Variants in WDPCP observed in about 807,000 individuals in gnomAD.
WDPCP encodes WD repeat containing planar cell polarity effector.
A neutral mutation model predicts 93.1 loss-of-function variants in WDPCP; 71 were observed. The ratio of observed to expected loss-of-function variants is 0.76; its 90% CI spans 0.63 to 0.93. The LOEUF (loss-of-function observed/expected upper bound fraction) is 0.93. WDPCP is among the 40% of genes least tolerant of loss of function. The pLI is 0.00. For synonymous variants in WDPCP, 315 were observed against 315.0 expected (o/e 1.00, Z 0.00); for missense variants, 844 against 887.4 (o/e 0.95, Z 0.62).
At chr2:63,172,509 C>A (rs938396160) in intron 15 of WDPCP, among the ~76,000 whole-genome samples, 52 of 152,062 alleles carry the variant, frequency 3.4e-4, no homozygotes, top group African/African-American at 1.2e-3. Context: ...TGCCGCCCCC[C>A]ACCCCTCCAA....
intron 2 of WDPCP, among the ~76,000 whole-genome samples, chr2:63,674,555 G>A (rs1185026542): frequency 2.0e-5 from 3 of 152,100 alleles, no homozygotes; most frequent in African/African-American, 7.2e-5. Flanking sequence ...AGAGAGAAAT[G>A]GGGAGTTGCT....
intron 14 of WDPCP, among the ~76,000 whole-genome samples, chr2:63,201,111 TAG>T (rs892007932): frequency 6.6e-6 from 1 of 152,176 alleles, no homozygotes; most frequent in Non-Finnish European, 1.5e-5. Context: ...GTTCTCATAA[TAG>T]AGAGTGAGTT....
chr2:63,545,857 T>TAA (rs76994891), intron 1 of WDPCP, among the ~76,000 whole-genome samples: 5 of 132,128 alleles, frequency 3.8e-5, no homozygotes, highest in South Asian at 2.4e-4. Context: ...CGCTCAGATT[T>TAA]AAAAAAAAAA....
At chr2:63,614,171 C>A (rs1160155961) in intron 3 of WDPCP, among the ~76,000 whole-genome samples, 1 of 152,138 alleles carries the variant, frequency 6.6e-6, no homozygotes, top group Non-Finnish European at 1.5e-5. Context: ...TTTACTACCC[C>A]TCAAAATTGC....
rs549839879 is a variant in WDPCP, at chr2:63,782,464, C to G, written n.308+31158G>C. Among the ~76,000 whole-genome samples the G allele has an allele frequency of 1.1e-4, 17 of 152,106 alleles. No homozygotes were observed. In the South Asian group the frequency reaches 1.4e-3, roughly 13 times the overall value. On this transcript the variant is annotated intron_variant and non_coding_transcript_variant, in intron 2 of 4. Coordinates refer to the WDPCP transcript ENST00000467687. The stretch of plus-strand genomic sequence containing the variant: ...TCTAGAAGGAACTCAACAACAACAG[C>G]AAAACAACTCAACTAAAAACTGGGC...
In WDPCP at chr2:63,120,612, C is replaced by T. The variant is rs1007501276; in HGVS notation, c.*1394G>A. ...TGCGACCTCAGCTCACTGCAGCCTCCGCCCTCCGGGTTCACGCCATTCTCC... is the reference window on the plus strand; with the variant it reads ...TGCGACCTCAGCTCACTGCAGCCTCTGCCCTCCGGGTTCACGCCATTCTCC... On this transcript the variant is annotated 3_prime_UTR_variant, in exon 18 of 18. Coordinates refer to ENST00000272321, the MANE Select transcript of WDPCP (RefSeq NM_015910.7). Among the ~76,000 whole-genome samples, 9 of 150,618 alleles carry T rather than the reference C, an allele frequency of 6.0e-5. No individual in the cohort carries two copies. The highest frequency in any genetic ancestry group is 2.0e-4 in the Admixed American group (3 of 15,122).
chr2:63,475,431 AC>A (rs1457634054), intron 6 of WDPCP, among the ~76,000 whole-genome samples: 3 of 152,120 alleles, frequency 2.0e-5, no homozygotes, highest in African/African-American at 7.2e-5. Flanking sequence ...AAGATACTGT[AC>A]TTTAGATATT....
chr2:63,663,949 C>T (rs2106635006), intron 2 of WDPCP, among the ~76,000 whole-genome samples: 1 of 152,088 alleles, frequency 6.6e-6, no homozygotes, highest in South Asian at 2.1e-4. Flanking sequence ...ACAACCACCG[C>T]ACCTTTAACC....
chr2:63,255,774 C>T (rs538019613), intron 14 of WDPCP, among the ~76,000 whole-genome samples: 12 of 152,134 alleles, frequency 7.9e-5, no homozygotes, highest in South Asian at 4.2e-4. Flanking sequence ...CATTTCCAGA[C>T]GACATGATGT....
chr2:63,246,604 ATGTGCTGTTGCCAACACT>A (rs1680295945), intron 14 of WDPCP, among the ~76,000 whole-genome samples: 1 of 152,190 alleles, frequency 6.6e-6, no homozygotes, highest in African/African-American at 2.4e-5. Context: ...AGGATGCCAC[ATGTGCTGTTGCCAACACT>A]TTGAACACAT....
chr2:63,339,362 G>A (rs966498951), intron 12 of WDPCP, among the ~76,000 whole-genome samples: 5 of 151,918 alleles, frequency 3.3e-5, no homozygotes, highest in Non-Finnish European at 5.9e-5. Flanking sequence ...TAGTAGAGAC[G>A]GGGTTTCACT....
chr2:63,836,535 T>C, the WDPCP span, among the ~76,000 whole-genome samples: 13 of 152,346 alleles, frequency 8.5e-5, no homozygotes, highest in East Asian at 2.5e-3. Flanking sequence ...TGGTTTCTTA[T>C]TAGTTTTTTT....
intron 13 of WDPCP, among the ~76,000 whole-genome samples, chr2:63,288,988 GC>G (rs1444426047): frequency 2.0e-5 from 3 of 151,734 alleles, no homozygotes; most frequent in Non-Finnish European, 2.9e-5. Flanking sequence ...TGTTCTTACT[GC>G]AATATATGAG....
At chr2:63,623,958 A>G (rs1312002484) in intron 3 of WDPCP, among the ~76,000 whole-genome samples, 2 of 152,236 alleles carry the variant, frequency 1.3e-5, no homozygotes, top group African/African-American at 4.8e-5. Flanking sequence ...AGCAAATGCA[A>G]AAGAACAGAA....
intron 2 of WDPCP, among the ~76,000 whole-genome samples, chr2:63,670,183 G>A (rs1423879537): frequency 6.6e-6 from 1 of 152,108 alleles, no homozygotes; most frequent in Non-Finnish European, 1.5e-5. Context: ...GCTCTAACAT[G>A]ATGTAATTTT....
At chr2:63,684,566 G>A in intron 2 of WDPCP, 1 of 715,860 alleles carries the variant, frequency 1.4e-6, no homozygotes, top group Admixed American at 1.8e-5. Context: ...GTACTCTGTG[G>A]ATATCCCCTT....
At chr2:63,719,101 T>C (rs1198312084) in intron 2 of WDPCP, among the ~76,000 whole-genome samples, 4 of 152,196 alleles carry the variant, frequency 2.6e-5, no homozygotes, top group African/African-American at 9.6e-5. Context: ...ATGAATGTAC[T>C]ATTTACAGAG....
At chr2:63,315,029 CAG>C (rs1686527871) in intron 12 of WDPCP, among the ~76,000 whole-genome samples, 1 of 152,004 alleles carries the variant, frequency 6.6e-6, no homozygotes, top group Admixed American at 6.6e-5. Flanking sequence ...CATGGTGAAA[CAG>C]AAATAACAAA....
intron 1 of WDPCP, among the ~76,000 whole-genome samples, chr2:63,579,874 A>C (rs192416694): frequency 6.6e-6 from 1 of 152,268 alleles, no homozygotes; most frequent in African/African-American, 2.4e-5. Flanking sequence ...AAAGGTGGGG[A>C]CTTTAAGAGG....
Sources: allele counts gnomAD v4.1 joint callset (sites outside exome capture counted in the v4.1 genomes callset), GRCh38; gene constraint gnomAD v4.1.1; transcripts MANE v1.5; gene names NCBI Gene and HGNC (gene_info 2026-07-23, HGNC 2026-07-21).